MYZAP: variants seen among roughly 807,000 people sequenced by gnomAD.
MYZAP encodes GRINL1A complex locus upstream.
Under a neutral mutation model 69.4 loss-of-function variants are expected in MYZAP, and 66 were observed. The observed-to-expected ratio is 0.95, with a 90% CI of 0.78 to 1.17. The LOEUF (loss-of-function observed/expected upper bound fraction) is 1.17, where lower values mean the gene tolerates loss of function less well. Ranked by LOEUF, MYZAP falls within the 50% of genes most tolerant of loss-of-function variation. MYZAP has a pLI of 0.00. For missense variants in MYZAP, 611 were observed against 556.2 expected (o/e 1.10, Z -0.99); for synonymous variants, 256 against 205.9 (o/e 1.24, Z -2.09).
chr15:57,684,700 A>G lies in MYZAP; in HGVS notation c.*202A>G, dbSNP rs2039610613. ...GTAAGAGAGGGATATACAAGGTCACATTTCAGACACCCACTCGGCATACCC... is the reference window on the plus strand; with the variant it reads ...GTAAGAGAGGGATATACAAGGTCACGTTTCAGACACCCACTCGGCATACCC... On this transcript the variant is annotated 3_prime_UTR_variant, in exon 13 of 13. Coordinates refer to ENST00000267853, the MANE Select transcript of MYZAP (RefSeq NM_001018100.5). 4.2e-6 allele frequency: 2 copies of G among 471,964 alleles called. No homozygotes were observed. The highest frequency in any genetic ancestry group is 2.0e-5 in the African/African-American group (1 of 50,500). 29.2% of individuals were successfully genotyped at this position (471,964 alleles called of 1,614,324 possible).
rs2035835655 is a variant in MYZAP at position 57,621,775 on chromosome 15, TA to T, written c.411+78del. 3.6e-6 allele frequency: 5 copies of T among 1,388,566 alleles called. No homozygotes were observed. The East Asian group carries it at 1.2e-4, about 32-fold the overall frequency. The allele number at this position is 1,388,566 out of a possible 1,614,324, so 86.0% of individuals were successfully genotyped here. A position where few individuals can be genotyped will look rare whatever the true frequency, so the allele number is the denominator to read the frequency against. On this transcript the variant is annotated intron_variant, in intron 4 of 12. Coordinates refer to ENST00000267853, the MANE Select transcript of MYZAP (RefSeq NM_001018100.5). ...GAGTGGTCCCTCAGTGGCTAGTGCC[TA>T]AAGATATTAGAGTATCTAGTGTTCT... is the stretch of plus-strand genomic sequence containing the variant.
At chr15:57,595,269 C>T (rs2033979883) in intron 1 of MYZAP, among the ~76,000 whole-genome samples, 1 of 152,090 alleles carries the variant, frequency 6.6e-6, no homozygotes, top group Admixed American at 6.5e-5. Context: ...TTATGGATGC[C>T]AACCAGCAGA....
chr15:57,662,228 T>C (rs1282886592), intron 11 of MYZAP, among the ~76,000 whole-genome samples: 1 of 152,224 alleles, frequency 6.6e-6, no homozygotes, highest in Admixed American at 6.5e-5. Context: ...TAAAGGTTCT[T>C]TATTAGAGCT....
chr15:57,660,777 T>G (rs1009101744), intron 10 of MYZAP, among the ~76,000 whole-genome samples: 6 of 152,188 alleles, frequency 3.9e-5, no homozygotes, highest in Admixed American at 2.6e-4. Context: ...GAAGCTATGG[T>G]TTGTCTAGGG....
At chr15:57,612,790 A>G (rs377215279) in intron 2 of MYZAP, among the ~76,000 whole-genome samples, 57 of 152,320 alleles carry the variant, frequency 3.7e-4, no homozygotes, top group African/African-American at 1.3e-3. Flanking sequence ...TGGGGCCTGT[A>G]GGTAGAATTT....
chr15:57,630,332 A>G lies in MYZAP; in HGVS notation c.678+478A>G, dbSNP rs72743594. Reference sequence around the variant, plus strand: ...CCTTTCTTGGCCTCCAGTCCCTTCAAGGGCTCTTTAGACACTCACCATGGT... The same window carrying G: ...CCTTTCTTGGCCTCCAGTCCCTTCAGGGGCTCTTTAGACACTCACCATGGT... On this transcript the variant is annotated intron_variant, in intron 6 of 12. Coordinates refer to ENST00000267853, the MANE Select transcript of MYZAP (RefSeq NM_001018100.5). Among the ~76,000 whole-genome samples the G allele has an allele frequency of 2.6e-3, 394 of 152,298 alleles. 1 individual carries two copies. The highest frequency in any genetic ancestry group is 5.0e-3 in the Non-Finnish European group (339 of 68,024).
At chr15:57,595,015 T>C (rs1260491246) in intron 1 of MYZAP, among the ~76,000 whole-genome samples, 1 of 152,198 alleles carries the variant, frequency 6.6e-6, no homozygotes, top group African/African-American at 2.4e-5. Context: ...AACCAGCCTA[T>C]GTGGGTCCAG....
At chr15:57,682,974 G>A (rs1422059519) in intron 12 of MYZAP, among the ~76,000 whole-genome samples, 2 of 152,114 alleles carry the variant, frequency 1.3e-5, no homozygotes, top group Non-Finnish European at 2.9e-5. Flanking sequence ...ATGTGTTCAT[G>A]CTCATTTTGT....
At chr15:57,653,864 G>A (rs893122742) in intron 10 of MYZAP, among the ~76,000 whole-genome samples, 1 of 151,632 alleles carries the variant, frequency 6.6e-6, no homozygotes, top group Non-Finnish European at 1.5e-5. Context: ...AATTAGCCAG[G>A]CATAGTTGAT....
At chr15:57,631,566 C>T (rs1229794008) in intron 6 of MYZAP, among the ~76,000 whole-genome samples, 1 of 151,958 alleles carries the variant, frequency 6.6e-6, no homozygotes, top group African/African-American at 2.4e-5. Context: ...GCTGTGCGTG[C>T]ACTGCAAATG....
chr15:57,671,224 C>G (rs2038850997), intron 11 of MYZAP, among the ~76,000 whole-genome samples: 1 of 152,070 alleles, frequency 6.6e-6, no homozygotes, highest in Non-Finnish European at 1.5e-5. Flanking sequence ...GTTTATTTCT[C>G]TTGGTACTCA....
At chr15:57,675,784 C>T (rs778671989) in intron 12 of MYZAP, among the ~76,000 whole-genome samples, 6 of 152,142 alleles carry the variant, frequency 3.9e-5, no homozygotes, top group Non-Finnish European at 7.3e-5. Context: ...TCACCATTCC[C>T]GGGTGCTCAC....
intron 4 of MYZAP, among the ~76,000 whole-genome samples, chr15:57,624,239 C>A (rs2140407243): frequency 6.6e-6 from 1 of 152,262 alleles, no homozygotes; most frequent in African/African-American, 2.4e-5. Flanking sequence ...ATGTGACGTA[C>A]CTTCCATAAG....
intron 3 of MYZAP, among the ~76,000 whole-genome samples, chr15:57,618,516 C>T (rs1240567665): frequency 6.6e-6 from 1 of 152,152 alleles, no homozygotes; most frequent in Non-Finnish European, 1.5e-5. Flanking sequence ...ACATTCATCC[C>T]TGGCAAGAGG....
chr15:57,596,022 C>T (rs951036539), intron 1 of MYZAP, among the ~76,000 whole-genome samples: 5 of 152,116 alleles, frequency 3.3e-5, no homozygotes, highest in African/African-American at 1.2e-4. Flanking sequence ...GTTGTAGGCT[C>T]AGAAAAAGAG....
At chr15:57,609,832 A>G (rs542627776) in intron 2 of MYZAP, among the ~76,000 whole-genome samples, 6 of 152,342 alleles carry the variant, frequency 3.9e-5, no homozygotes, top group African/African-American at 1.4e-4. Context: ...TCAAATTAAA[A>G]TTGGTAATAG....
chr15:57,661,945 C>T (rs113415605), intron 11 of MYZAP, among the ~76,000 whole-genome samples: 1 of 152,126 alleles, frequency 6.6e-6, no homozygotes, highest in Non-Finnish European at 1.5e-5. Context: ...CATGAGAAAA[C>T]AGAGGCACAG....
chr15:57,629,934 C>G (rs1304567850), intron 6 of MYZAP, 80 bp downstream of exon 6: 2 of 1,494,288 alleles, frequency 1.3e-6, no homozygotes, highest in South Asian at 1.3e-5. Context: ...CATCTTCAAC[C>G]TTTCCATTTC....
At chr15:57,671,790 TTGTC>T (rs1337714810) in intron 11 of MYZAP, among the ~76,000 whole-genome samples, 1 of 152,198 alleles carries the variant, frequency 6.6e-6, no homozygotes, top group Non-Finnish European at 1.5e-5. Flanking sequence ...ATATTTTTCT[TTGTC>T]TGACTGATCA....
Sources: gnomAD v4.1 joint callset for allele counts (sites outside exome capture counted in the v4.1 genomes callset) on GRCh38, gnomAD v4.1.1 for gene constraint, MANE v1.5 for transcripts, NCBI Gene and HGNC (gene_info 2026-07-23, HGNC 2026-07-21) for gene names.